Variants in ADAMTSL3 observed in about 807,000 individuals in gnomAD.
The protein encoded by ADAMTSL3 is ADAMTS-like protein 3.
A neutral mutation model predicts 201.7 loss-of-function variants in ADAMTSL3; 128 were observed. That is an observed-to-expected ratio of 0.63 (90% CI 0.55 to 0.73). The LOEUF is 0.73. ADAMTSL3 is among the 30% of genes least tolerant of loss of function. The probability of loss-of-function intolerance (pLI) is 0.00; values close to 1 mark genes in which losing one functional copy is unlikely to be tolerated. For synonymous variants in ADAMTSL3, 738 were observed against 748.4 expected (o/e 0.99, Z 0.23); for missense variants, 1,990 against 2,119.6 (o/e 0.94, Z 1.20).
rs4583201 is a variant in ADAMTSL3, at chr15:83,820,297, C to G, written c.600+250C>G. ...TTCATTATGTTGGCCAGGCTGATCTCAAACTCCTGATCTCAGGTGATTCGC... is the reference window on the plus strand; with the variant it reads ...TTCATTATGTTGGCCAGGCTGATCTGAAACTCCTGATCTCAGGTGATTCGC... On this transcript the variant is annotated intron_variant, in intron 6 of 29. Coordinates refer to ENST00000286744, the MANE Select transcript of ADAMTSL3 (RefSeq NM_207517.3). Among the ~76,000 whole-genome samples, 16,954 of 152,176 alleles carry G rather than the reference C, an allele frequency of 0.11. 1,122 individuals are homozygous for G. Among genetic ancestry groups the G allele is most frequent in the Admixed American group, 0.2 (3,074 of 15,276 alleles).
At chr15:84,014,874 A>G in intron 24 of ADAMTSL3, 150 bp downstream of exon 24, 1 of 751,480 alleles carries the variant, frequency 1.3e-6, no homozygotes, top group Non-Finnish European at 2.1e-6. Flanking sequence ...AACGAGCACT[A>G]AATTCTAACA....
chr15:83,937,221 G>A (rs12912141), intron 17 of ADAMTSL3, among the ~76,000 whole-genome samples: 21,074 of 150,804 alleles, frequency 0.14, 1,990 homozygotes, highest in Middle Eastern at 0.34. Flanking sequence ...TATGTTCACC[G>A]CAGCACTATT....
At chr15:83,792,530 TC>T (rs1483601706) in intron 4 of ADAMTSL3, among the ~76,000 whole-genome samples, 18 of 152,218 alleles carry the variant, frequency 1.2e-4, no homozygotes, top group Non-Finnish European at 7.3e-5. Flanking sequence ...ATGCCTGTAA[TC>T]CCAGCACTTT....
At chr15:83,779,833 G>T (rs1180862223) in intron 4 of ADAMTSL3, among the ~76,000 whole-genome samples, 1 of 152,064 alleles carries the variant, frequency 6.6e-6, no homozygotes, top group Non-Finnish European at 1.5e-5. Flanking sequence ...AATGACTTTG[G>T]GGTAAATAAT....
intron 17 of ADAMTSL3, among the ~76,000 whole-genome samples, chr15:83,940,273 T>C (rs2142029842): frequency 1.3e-5 from 2 of 152,352 alleles, no homozygotes; most frequent in East Asian, 3.9e-4. Flanking sequence ...AGTTCCACTG[T>C]GGTCAGAAAA....
At chr15:83,899,622 AT>A (rs772416799) in intron 14 of ADAMTSL3, 24 bp from the exon 15 acceptor site, 8 of 1,602,150 alleles carry the variant, frequency 5.0e-6, no homozygotes, top group Non-Finnish European at 6.0e-6. Context: ...AATTAGGCTC[AT>A]TGTTTATGTT....
intron 27 of ADAMTSL3, 171 bp downstream of exon 27, chr15:84,025,607 T>G: frequency 1.5e-6 from 1 of 651,484 alleles, no homozygotes; most frequent in Middle Eastern, 4.3e-4. Flanking sequence ...GAAATCATAG[T>G]ATCTCTGTCT....
At chr15:83,768,963 C>T (rs766607583) in intron 3 of ADAMTSL3, among the ~76,000 whole-genome samples, 1 of 152,188 alleles carries the variant, frequency 6.6e-6, no homozygotes, top group Non-Finnish European at 1.5e-5. Context: ...AGAGGAGAAA[C>T]ACTCAAGGAC....
intron 23 of ADAMTSL3, among the ~76,000 whole-genome samples, chr15:83,996,452 AG>A: frequency 6.6e-6 from 1 of 152,192 alleles, no homozygotes; most frequent in Non-Finnish European, 1.5e-5. Flanking sequence ...ATATAGAAAT[AG>A]CTTCTCTGAA....
chr15:83,753,598 A>G (rs1202392049), intron 3 of ADAMTSL3, among the ~76,000 whole-genome samples: 1 of 152,194 alleles, frequency 6.6e-6, no homozygotes, highest in African/African-American at 2.4e-5. Context: ...GAAGTAAATC[A>G]CTAAGAAAAG....
chr15:83,822,030 T>G (rs1421235627), intron 6 of ADAMTSL3, among the ~76,000 whole-genome samples: 103 of 75,904 alleles, frequency 1.4e-3, no homozygotes, highest in South Asian at 1.6e-3. Context: ...CCGGACGGGG[T>G]GGCTGGCCGG....
At chr15:83,969,115 C>A (rs1252503770) in intron 19 of ADAMTSL3, among the ~76,000 whole-genome samples, 1 of 152,136 alleles carries the variant, frequency 6.6e-6, no homozygotes, top group African/African-American at 2.4e-5. Flanking sequence ...AACAAACCTG[C>A]ACATTCTACA....
intron 15 of ADAMTSL3, among the ~76,000 whole-genome samples, chr15:83,902,566 G>A (rs2065747956): frequency 6.6e-6 from 1 of 152,140 alleles, no homozygotes; most frequent in Non-Finnish European, 1.5e-5. Context: ...CACCGCACCT[G>A]GCCAAGTCTA....
rs369251675 is a variant in ADAMTSL3 at position 83,756,785 on chromosome 15, A to G, written c.190-16738A>G. 2.8e-3 allele frequency among the ~76,000 whole-genome samples: 424 copies of G among 152,390 alleles called. 7 individuals carry two copies. In the South Asian group the frequency reaches 0.058, roughly 21 times the overall value. Reference sequence around the variant, plus strand: ...AAAGCAAGTTAGTTACTCTCAAGATACAATGGGGGAACAGGAATTGGGTAA... The same window carrying G: ...AAAGCAAGTTAGTTACTCTCAAGATGCAATGGGGGAACAGGAATTGGGTAA... On this transcript the variant is annotated intron_variant, in intron 3 of 29. Coordinates refer to ENST00000286744, the MANE Select transcript of ADAMTSL3 (RefSeq NM_207517.3).
intron 23 of ADAMTSL3, among the ~76,000 whole-genome samples, chr15:83,995,119 T>C (rs1371312994): frequency 1.3e-5 from 2 of 152,112 alleles, no homozygotes; most frequent in Non-Finnish European, 2.9e-5. Context: ...AGTCACTGGC[T>C]GTGGGCCTCT....
chr15:83,958,297 A>T (rs1201321374), intron 19 of ADAMTSL3, among the ~76,000 whole-genome samples: 1 of 152,220 alleles, frequency 6.6e-6, no homozygotes, highest in Non-Finnish European at 1.5e-5. Context: ...GATTGGATGC[A>T]AGAAAGATTG....
At chr15:84,029,113 C>T (rs1019126211) in intron 27 of ADAMTSL3, among the ~76,000 whole-genome samples, 7 of 152,072 alleles carry the variant, frequency 4.6e-5, no homozygotes, top group Non-Finnish European at 4.4e-5. Context: ...ATTGGTACAG[C>T]AGAGAGAGGG....
At chr15:84,034,889 T>A (rs937947379) in intron 28 of ADAMTSL3, among the ~76,000 whole-genome samples, 11 of 152,170 alleles carry the variant, frequency 7.2e-5, no homozygotes, top group African/African-American at 2.7e-4. Flanking sequence ...CTACCATTTC[T>A]ACACTCATGC....
chr15:83,986,371 G>C (rs1172526583), intron 21 of ADAMTSL3, among the ~76,000 whole-genome samples: 2 of 152,076 alleles, frequency 1.3e-5, no homozygotes, highest in African/African-American at 4.8e-5. Flanking sequence ...TTGATGGAAT[G>C]GCGTTAACAT....
Sources: gnomAD v4.1 joint callset for allele counts (sites outside exome capture counted in the v4.1 genomes callset) on GRCh38, gnomAD v4.1.1 for gene constraint, MANE v1.5 for transcripts, NCBI Gene and HGNC (gene_info 2026-07-23, HGNC 2026-07-21) for gene names.